The following STAP1 variants were observed in gnomAD, a reference collection of about 807,000 sequenced individuals.
The protein encoded by STAP1 is signal transducing adaptor family member 1.
In STAP1, 30 loss-of-function variants were observed where a neutral mutation model predicts 37.8. That is an observed-to-expected ratio of 0.79 (90% confidence interval 0.59 to 1.08). The LOEUF is 1.08. Ranked by LOEUF, STAP1 falls within the 50% of genes least tolerant of loss-of-function variation. STAP1 has a pLI of 0.00. For missense variants in STAP1, 357 were observed against 349.4 expected (o/e 1.02, Z -0.17); for synonymous variants, 130 against 116.0 (o/e 1.12, Z -0.78).
At position 67,558,893 on chromosome 4, in the gene STAP1, T is replaced by C. The variant is rs1727272222; in HGVS notation, c.84T>C (p.Phe28=). 1 of 1,613,038 alleles carries C rather than the reference T, an allele frequency of 6.2e-7. No homozygotes were observed. Among genetic ancestry groups the C allele is most frequent in the Non-Finnish European group, 8.5e-7 (1 of 1,179,458 alleles). Residue 28 remains phenylalanine, a synonymous_variant, in exon 1 of 9, where the codon TTT becomes TTC. Coordinates refer to ENST00000265404, the MANE Select transcript of STAP1 (RefSeq NM_012108.4). ...AGATTACTGCTCTACCTTTGTACTTTGAAGGTTTTTTATTAATCAAGCGGT... is the reference window on the plus strand; with the variant it reads ...AGATTACTGCTCTACCTTTGTACTTCGAAGGTTTTTTATTAATCAAGCGGT... ...RLKITALPLY[F]EGFLLIKRSG... is the part of the protein sequence containing the mutation.
At chr4:67,570,706 A>G (rs1268670339) in intron 1 of STAP1, among the ~76,000 whole-genome samples, 2 of 146,518 alleles carry the variant, frequency 1.4e-5, no homozygotes, top group Non-Finnish European at 3.0e-5. Context: ...GAAAGAAAGA[A>G]AGAGAAAGGA....
At position 67,583,588 on chromosome 4, in the gene STAP1, T is replaced by C. The variant is rs751268228; in HGVS notation, c.545T>C (p.Val182Ala). The part of the protein sequence containing the change: ...LNPMPACFYT[V>A]SRKEATEMLQ... Reference sequence around the variant, plus strand: ...CACCTCTGTAGATGTTTTTATACAGTGTCCCGGAAAGAGGCAACTGAGATG... The same window carrying C: ...CACCTCTGTAGATGTTTTTATACAGCGTCCCGGAAAGAGGCAACTGAGATG... Residue 182 changes from valine (V) to alanine (A), a missense_variant, in exon 6 of 9, where the codon GTG (valine) becomes GCG (alanine). By Grantham distance (64) the Val-to-Ala change is moderately conservative (BLOSUM62 0). Transcript: ENST00000265404. The C allele has an allele frequency of 3.1e-6, 5 of 1,612,042 alleles. No homozygotes were observed. In the African/African-American group the frequency reaches 6.7e-5, roughly 22 times the overall value.
chr4:67,598,483 G>A (rs923169347), intron 8 of STAP1, among the ~76,000 whole-genome samples: 4 of 152,176 alleles, frequency 2.6e-5, no homozygotes, highest in African/African-American at 9.7e-5. Flanking sequence ...TAAATGGGGT[G>A]AGATGATATC....
intron 6 of STAP1, among the ~76,000 whole-genome samples, chr4:67,590,431 TG>T (rs547075757): frequency 2.8e-4 from 42 of 152,338 alleles, no homozygotes; most frequent in Admixed American, 1.5e-3. Flanking sequence ...GAGGGGTTTC[TG>T]GTTGGATTGG....
chr4:67,588,755 G>T (rs1728055725), intron 6 of STAP1, among the ~76,000 whole-genome samples: 1 of 152,108 alleles, frequency 6.6e-6, no homozygotes, highest in Admixed American at 6.5e-5. Context: ...TCTCCTTATA[G>T]GTTACCATTT....
At chr4:67,604,575 T>C (rs562438084) in intron 8 of STAP1, among the ~76,000 whole-genome samples, 2 of 152,370 alleles carry the variant, frequency 1.3e-5, no homozygotes, top group Non-Finnish European at 2.9e-5. Flanking sequence ...AAGGTCTTCA[T>C]CTGATAATTT....
chr4:67,600,388 T>C (rs562751843), intron 8 of STAP1, among the ~76,000 whole-genome samples: 7 of 152,316 alleles, frequency 4.6e-5, no homozygotes, highest in African/African-American at 1.7e-4. Context: ...TTCAATTTTT[T>C]TTTAATGTTT....
chr4:67,596,207 T>G (rs766175649), intron 8 of STAP1, among the ~76,000 whole-genome samples: 13 of 152,118 alleles, frequency 8.5e-5, no homozygotes, highest in Non-Finnish European at 1.6e-4. Flanking sequence ...TGAGATCTGA[T>G]GGTTTTAAAG....
chr4:67,597,196 G>GA (rs1728244030), intron 8 of STAP1, among the ~76,000 whole-genome samples: 1 of 152,256 alleles, frequency 6.6e-6, no homozygotes, highest in African/African-American at 2.4e-5. Context: ...AAAAGGGGTT[G>GA]AGGTACAGCT....
intron 7 of STAP1, among the ~76,000 whole-genome samples, chr4:67,591,988 TG>T (rs1728128453): frequency 6.6e-6 from 1 of 152,208 alleles, no homozygotes; most frequent in Non-Finnish European, 1.5e-5. Context: ...TCTTTGTAAC[TG>T]GGTAAACTGG....
chr4:67,578,364 G>A (rs1200409792), intron 4 of STAP1, among the ~76,000 whole-genome samples: 2 of 152,226 alleles, frequency 1.3e-5, no homozygotes, highest in African/African-American at 4.8e-5. Flanking sequence ...AGCCATTGCA[G>A]TCATCTGAAA....
At chr4:67,566,167 C>T (rs1403889908) in intron 1 of STAP1, among the ~76,000 whole-genome samples, 1 of 151,910 alleles carries the variant, frequency 6.6e-6, no homozygotes, top group African/African-American at 2.4e-5. Flanking sequence ...AGACTGGCCT[C>T]GAACTCCTGA....
At chr4:67,595,256 A>T (rs924993972) in intron 8 of STAP1, among the ~76,000 whole-genome samples, 1 of 151,854 alleles carries the variant, frequency 6.6e-6, no homozygotes, top group Non-Finnish European at 1.5e-5. Flanking sequence ...ATTTGTTTAA[A>T]AAGATTATCC....
chr4:67,575,502 A>T lies in STAP1; in HGVS notation c.306+4A>T. The stretch of plus-strand genomic sequence containing the variant: ...GAAAGAGGAAGTACAACTGAAGGTG[A>T]GCGAGGAGAAACAGTAGTCTGTAAA... On this transcript the variant is annotated splice_donor_region_variant and intron_variant, in intron 3 of 8. Transcript: ENST00000265404. 6.3e-7 allele frequency: 1 copy of T among 1,597,046 alleles called. No individual in the cohort carries two copies. Among genetic ancestry groups the T allele is most frequent in the Non-Finnish European group, 8.6e-7 (1 of 1,167,460 alleles).
intron 1 of STAP1, among the ~76,000 whole-genome samples, chr4:67,563,493 G>T (rs1362935321): frequency 6.6e-6 from 1 of 152,088 alleles, no homozygotes; most frequent in Non-Finnish European, 1.5e-5. Context: ...ATTGCTTGAG[G>T]CCAGGAGTTG....
intron 8 of STAP1, among the ~76,000 whole-genome samples, chr4:67,595,969 G>A (rs1206536835): frequency 6.8e-6 from 1 of 146,040 alleles, no homozygotes; most frequent in African/African-American, 2.8e-5. Context: ...TACAGCATTG[G>A]CACACATTTT....
Position 67,558,927 on chromosome 4 carries a change from C to G in STAP1, c.118C>G (p.Arg40Gly). 6.2e-7 allele frequency: 1 copy of G among 1,610,304 alleles called. No individual in the cohort carries two copies. Among genetic ancestry groups the G allele is most frequent in the Non-Finnish European group, 8.5e-7 (1 of 1,178,154 alleles). Residue 40 changes from arginine to glycine, a missense_variant and splice_region_variant, in exon 1 of 9, where the codon CGG becomes GGG. Arg to Gly is a moderately radical substitution (Grantham distance 125). Transcript: ENST00000265404. ...GFLLIKRSGY[R>G]EYEHYWTELR... ...TTTATTAATCAAGCGGTCAGGATAC[C>G]GGGTGAGTCTATAGATGATAATGTT...
chr4:67,584,209 A>T (rs1233656394), intron 6 of STAP1, among the ~76,000 whole-genome samples: 1 of 152,124 alleles, frequency 6.6e-6, no homozygotes, highest in Non-Finnish European at 1.5e-5. Flanking sequence ...AGAATAACAC[A>T]TTATTTTGGT....
chr4:67,588,359 T>C (rs115462510), intron 6 of STAP1, among the ~76,000 whole-genome samples: 29,208 of 150,712 alleles, frequency 0.19, 3,375 homozygotes, highest in Non-Finnish European at 0.27. Flanking sequence ...ACGACGATGA[T>C]GATGATGATG....
Sources: allele counts gnomAD v4.1 joint callset (sites outside exome capture counted in the v4.1 genomes callset), GRCh38; gene constraint gnomAD v4.1.1; transcripts MANE v1.5; gene names NCBI Gene and HGNC (gene_info 2026-07-23, HGNC 2026-07-21).